Variants in PDE2A observed in about 807,000 individuals in gnomAD.
PDE2A encodes cGMP-dependent 3',5'-cyclic phosphodiesterase.
PDE2A carries 53 observed loss-of-function variants against 133.6 expected under a neutral mutation model. The ratio of observed to expected loss-of-function variants is 0.40; its 90% CI spans 0.32 to 0.50. The LOEUF (loss-of-function observed/expected upper bound fraction) is 0.50. Ranked by LOEUF, PDE2A falls within the 20% of genes least tolerant of loss-of-function variation. The pLI, the probability that PDE2A is intolerant of heterozygous loss-of-function variation, is 0.73. For missense variants in PDE2A, 796 were observed against 1,232.4 expected, an observed-to-expected ratio of 0.65 and a Z score of 5.30; for synonymous variants, 491 against 490.2, an observed-to-expected ratio of 1.00 and a Z score of -0.02.
intron 1 of PDE2A, among the ~76,000 whole-genome samples, chr11:72,662,714 G>A (rs1209947739): frequency 6.6e-6 from 1 of 152,192 alleles, no homozygotes; most frequent in East Asian, 1.9e-4. Context: ...CCGGGAAGTA[G>A]CGGCTGTCAC....
intron 1 of PDE2A, chr11:72,658,154 G>T (rs972680735): frequency 2.0e-5 from 9 of 455,990 alleles, no homozygotes; most frequent in Non-Finnish European, 3.5e-5. Context: ...CCTCTGGGAA[G>T]CCTTTCAGGA....
chr11:72,621,359 G>A (rs187251500), intron 2 of PDE2A, among the ~76,000 whole-genome samples: 32 of 152,318 alleles, frequency 2.1e-4, no homozygotes, highest in African/African-American at 7.2e-4. Flanking sequence ...AGCTGGGGCT[G>A]AGCCCACTTG....
chr11:72,674,414 G>A lies in PDE2A; in HGVS notation c.-207C>T, dbSNP rs1855455969. 2 of 569,998 alleles carry A rather than the reference G, an allele frequency of 3.5e-6. No individual in the cohort carries two copies. Among genetic ancestry groups the A allele is most frequent in the South Asian group, 4.3e-5 (2 of 46,256 alleles). 35.3% of individuals were successfully genotyped at this position (569,998 alleles called of 1,614,324 possible). A position where few individuals can be genotyped will look rare whatever the true frequency, so the allele number is the denominator to read the frequency against. ...CCGCTGCCACTGCCTCTGCTGCTCG[G>A]CTGGCTCTGGGAGGAGGTTGGAGCA... On this transcript the variant is annotated 5_prime_UTR_variant, in exon 1 of 31. Transcript: ENST00000334456.
intron 19 of PDE2A, 115 bp from the exon 20 acceptor site, chr11:72,583,630 C>G: frequency 1.3e-6 from 1 of 741,426 alleles, no homozygotes; most frequent in Non-Finnish European, 2.4e-6. Flanking sequence ...CCATTCTGGC[C>G]CCAGTCAAAA....
At chr11:72,612,120 C>A (rs140596806) in intron 2 of PDE2A, among the ~76,000 whole-genome samples, 18 of 151,240 alleles carry the variant, frequency 1.2e-4, no homozygotes, top group Non-Finnish European at 2.4e-4. Flanking sequence ...GCTCACATGC[C>A]CATCTACACA....
intron 6 of PDE2A, among the ~76,000 whole-genome samples, chr11:72,593,384 G>A (rs1054278736): frequency 1.3e-5 from 2 of 151,988 alleles, no homozygotes; most frequent in Non-Finnish European, 2.9e-5. Flanking sequence ...CTTTTTGTTC[G>A]CCAACAGGAA....
intron 2 of PDE2A, among the ~76,000 whole-genome samples, chr11:72,618,404 C>A (rs893365775): frequency 1.6e-4 from 24 of 152,204 alleles, no homozygotes; most frequent in African/African-American, 1.9e-4. Context: ...GTCTTGTCCT[C>A]CCCCTATCAC....
At chr11:72,624,317 T>A (rs1857935910) in intron 2 of PDE2A, among the ~76,000 whole-genome samples, 1 of 152,182 alleles carries the variant, frequency 6.6e-6, no homozygotes, top group East Asian at 1.9e-4. Context: ...TTGGACGGTG[T>A]TACTTTCCCG....
chr11:72,600,209 G>A (rs559020200), intron 4 of PDE2A, among the ~76,000 whole-genome samples: 32 of 152,278 alleles, frequency 2.1e-4, no homozygotes, highest in African/African-American at 7.7e-4. Flanking sequence ...TAATGGTCAG[G>A]TATGATTTCA....
intron 2 of PDE2A, among the ~76,000 whole-genome samples, chr11:72,615,568 CG>C (rs1857428065): frequency 6.6e-6 from 1 of 152,130 alleles, no homozygotes; most frequent in South Asian, 2.1e-4. Flanking sequence ...TCAGATCAAG[CG>C]GGGCAGAGCC....
chr11:72,638,754 A>T (rs1184308494), intron 2 of PDE2A, among the ~76,000 whole-genome samples: 1 of 152,248 alleles, frequency 6.6e-6, no homozygotes, highest in East Asian at 1.9e-4. Flanking sequence ...GATGATGAAG[A>T]TGACAATGTC....
chr11:72,628,660 G>A (rs1410884108), intron 2 of PDE2A, among the ~76,000 whole-genome samples: 1 of 152,226 alleles, frequency 6.6e-6, no homozygotes, highest in Non-Finnish European at 1.5e-5. Flanking sequence ...CCTGGCAGGT[G>A]AGGAGACTGA....
At chr11:72,668,130 G>A (rs1565200151) in intron 1 of PDE2A, among the ~76,000 whole-genome samples, 1 of 152,222 alleles carries the variant, frequency 6.6e-6, no homozygotes, top group Non-Finnish European at 1.5e-5. Context: ...TCTCAGCCTG[G>A]AATCAGCAGC....
chr11:72,623,442 AC>A (rs1237918893), intron 2 of PDE2A, among the ~76,000 whole-genome samples: 1 of 150,602 alleles, frequency 6.6e-6, no homozygotes, highest in African/African-American at 2.4e-5. Context: ...CTCAGTCCCC[AC>A]CTCTTCTGTT....
intron 2 of PDE2A, among the ~76,000 whole-genome samples, chr11:72,639,059 C>G (rs1338676736): frequency 1.3e-5 from 2 of 152,224 alleles, no homozygotes; most frequent in Non-Finnish European, 2.9e-5. Flanking sequence ...CTGACTCAGA[C>G]TTCTCTAAGC....
rs958697263 is a variant in PDE2A, at chr11:72,578,395, G to A, written c.2509-56C>T. 5 of 1,575,482 alleles carry A rather than the reference G, an allele frequency of 3.2e-6. No homozygotes were observed. The highest frequency in any genetic ancestry group is 2.7e-5 in the African/African-American group (2 of 74,142). On this transcript the variant is annotated intron_variant, in intron 29 of 30. Transcript: ENST00000334456. The surrounding 1 kb of genome is among the most constrained non-coding windows in gnomAD (Gnocchi z 4.2). ...TCTCATTCCTCCATCGGGTACCAGGGTCAGGCTAGTTCAAGCCCTCCCTGT... is the reference window on the plus strand; with the variant it reads ...TCTCATTCCTCCATCGGGTACCAGGATCAGGCTAGTTCAAGCCCTCCCTGT...
At chr11:72,658,471 C>T (rs1854961878) in intron 1 of PDE2A, among the ~76,000 whole-genome samples, 2 of 152,046 alleles carry the variant, frequency 1.3e-5, no homozygotes, top group South Asian at 2.1e-4. Context: ...CCCACCTGCC[C>T]CCCCACACAC....
In PDE2A at chr11:72,595,910, G is replaced by A. The variant is rs563859352; in HGVS notation, c.489+683C>T. 2.5e-4 allele frequency among the ~76,000 whole-genome samples: 38 copies of A among 152,232 alleles called. 1 individual carries two copies. In the South Asian group the frequency reaches 7.9e-3, roughly 32 times the overall value. ...TGGGAACTCCTCGAGGGGCTGCAGA[G>A]GGAGGCTTGTCTGGGTTCTGGGGCT... On this transcript the variant is annotated intron_variant, in intron 6 of 30. Transcript: ENST00000334456.
chr11:72,581,338 G>C lies in PDE2A; in HGVS notation c.2045+19C>G. On this transcript the variant is annotated intron_variant, in intron 23 of 30. Transcript: ENST00000334456. ...GGACCCCAGTGGCTGCCAGATGTGG[G>C]GGAGATGCAGCCACTCACTCGAGGT... 3.7e-6 allele frequency: 6 copies of C among 1,612,204 alleles called. No homozygotes were observed. The highest frequency in any genetic ancestry group is 5.1e-6 in the Non-Finnish European group (6 of 1,179,498).
Sources: allele counts gnomAD v4.1 joint callset (sites outside exome capture counted in the v4.1 genomes callset), GRCh38; gene constraint gnomAD v4.1.1; non-coding constraint Gnocchi (gnomAD v3.1); transcripts MANE v1.5; gene names NCBI Gene and HGNC (gene_info 2026-07-23, HGNC 2026-07-21).